TNRC6C: variants seen among roughly 807,000 people sequenced by gnomAD.
The protein encoded by TNRC6C is trinucleotide repeat containing adaptor 6C, also known as trinucleotide repeat-containing gene 6C protein.
In TNRC6C, 20 loss-of-function variants were observed where a neutral mutation model predicts 153.7. The observed-to-expected ratio is 0.13, with a 90% CI of 0.09 to 0.19. TNRC6C has a LOEUF of 0.19. Ranked by LOEUF, TNRC6C falls within the 10% of genes least tolerant of loss-of-function variation. TNRC6C has a pLI of 1.00. For synonymous variants in TNRC6C, 811 were observed against 841.4 expected, an observed-to-expected ratio of 0.96 and a Z score of 0.63; for missense variants, 1,987 against 2,172.0, an observed-to-expected ratio of 0.91 and a Z score of 1.69.
Position 78,051,457 on chromosome 17 carries a change from G to T in TNRC6C, c.2395G>T (p.Val799Phe). Residue 799 changes from valine to phenylalanine, a missense_variant and splice_region_variant, in exon 3 of 20, where the codon GTT becomes TTT. Coordinates refer to ENST00000301624, the Ensembl canonical transcript of TNRC6C. ...ACCGTTGCTTGGTCCAGGTAGGAAA[G>T]GTATTTCATGTTTCTTTACAAGTAA... The T allele has an allele frequency of 2.3e-6, 3 of 1,308,762 alleles. No homozygotes were observed. The highest frequency in any genetic ancestry group is 4.4e-5 in the South Asian group (2 of 45,406). The allele number at this position is 1,308,762 out of a possible 1,614,324, so 81.1% of individuals were successfully genotyped here.
chr17:78,094,552 C>T (rs1031300898), intron 16 of TNRC6C, among the ~76,000 whole-genome samples: 1 of 151,822 alleles, frequency 6.6e-6, no homozygotes, highest in Non-Finnish European at 1.5e-5. Context: ...GATTCTCATG[C>T]CTCAGCCTCC....
chr17:78,000,759 TAACTA>T (rs1329369170), upstream of TNRC6C, among the ~76,000 whole-genome samples: 1 of 152,132 alleles, frequency 6.6e-6, no homozygotes, highest in African/African-American at 2.4e-5. Flanking sequence ...CAATTTCTGA[TAACTA>T]AACCTCAAAG....
Position 78,079,565 on chromosome 17 carries a change from C to T in TNRC6C, c.3357+24C>T. The T allele has an allele frequency of 3.1e-6, 5 of 1,612,702 alleles. No homozygotes were observed. Among genetic ancestry groups the T allele is most frequent in the Non-Finnish European group, 4.2e-6 (5 of 1,178,922 alleles). ...AGGTCAGACCCACATCCAAGCAGGA[C>T]TGAGCAACAGGATATAGATGCCAGT... On this transcript the variant is annotated intron_variant, in intron 10 of 19. Coordinates refer to ENST00000301624, the Ensembl canonical transcript of TNRC6C. The surrounding 1 kb of genome is among the most constrained non-coding windows in gnomAD (Gnocchi z 4.3).
chr17:78,011,543 A>G lies in TNRC6C; in HGVS notation c.-546+6464A>G, dbSNP rs551851592. Among the ~76,000 whole-genome samples, 28 of 152,326 alleles carry G rather than the reference A, an allele frequency of 1.8e-4. No homozygotes were observed. The East Asian group carries it at 2.7e-3, about 15-fold the overall frequency. ...CCTTTTTATTGCTGAGCAGTGTTCC[A>G]TTGTGTAGGTGTATCACAGCTATTT... On this transcript the variant is annotated intron_variant, in intron 1 of 19. Coordinates refer to ENST00000301624, the Ensembl canonical transcript of TNRC6C.
At chr17:77,970,338 C>T (rs2070930878) in intron 1 of TNRC6C, among the ~76,000 whole-genome samples, 2 of 152,174 alleles carry the variant, frequency 1.3e-5, no homozygotes, top group African/African-American at 2.4e-5. Context: ...CTCAGCCTCT[C>T]AGGCTCAAGC....
intron 3 of TNRC6C, among the ~76,000 whole-genome samples, chr17:78,062,068 T>A (rs945572217): frequency 2.0e-5 from 3 of 152,246 alleles, no homozygotes; most frequent in Admixed American, 2.0e-4. Context: ...TATTTTAGCT[T>A]ACTAAAACCT....
At chr17:77,966,821 A>G (rs2070900490) in intron 1 of TNRC6C, among the ~76,000 whole-genome samples, 1 of 152,244 alleles carries the variant, frequency 6.6e-6, no homozygotes, top group Non-Finnish European at 1.5e-5. Flanking sequence ...CCTAGATCTT[A>G]TATAACAGTC....
chr17:78,074,994 A>G, intron 7 of TNRC6C, 142 bp from the exon 10 acceptor site: 7 of 1,119,226 alleles, frequency 6.3e-6, no homozygotes, highest in Non-Finnish European at 8.8e-6. Flanking sequence ...TAGCAAAGCA[A>G]GGGCTCTCTC....
intron 5 of TNRC6C, among the ~76,000 whole-genome samples, chr17:78,068,573 C>T (rs2072927362): frequency 6.6e-6 from 1 of 152,154 alleles, no homozygotes; most frequent in Non-Finnish European, 1.5e-5. Flanking sequence ...GTGGGTGGAT[C>T]ACTTGAGGTC....
chr17:78,010,501 T>C (rs965703774), intron 1 of TNRC6C, among the ~76,000 whole-genome samples: 1 of 152,238 alleles, frequency 6.6e-6, no homozygotes, highest in Non-Finnish European at 1.5e-5. Context: ...CATAGAAATA[T>C]ATGTTTTTCA....
intron 9 of TNRC6C, among the ~76,000 whole-genome samples, chr17:78,078,261 T>C (rs1275824025): frequency 6.6e-6 from 1 of 152,232 alleles, no homozygotes; most frequent in Non-Finnish European, 1.5e-5. Context: ...GGTTCACAGC[T>C]GTTAGCTTTG....
At chr17:78,037,925 G>A (rs1246101520) in intron 2 of TNRC6C, among the ~76,000 whole-genome samples, 1 of 152,158 alleles carries the variant, frequency 6.6e-6, no homozygotes, top group Non-Finnish European at 1.5e-5. Context: ...TTTTAACAGC[G>A]TGTTTCTAGG....
At chr17:77,990,912 T>C (rs1301699153) in intron 1 of TNRC6C, among the ~76,000 whole-genome samples, 2 of 152,338 alleles carry the variant, frequency 1.3e-5, no homozygotes, top group Admixed American at 6.5e-5. Flanking sequence ...AGCACATTTT[T>C]CCCATTTTTA....
intron 2 of TNRC6C, chr17:78,041,186 G>C (rs1466990069): frequency 6.6e-6 from 1 of 152,266 alleles, no homozygotes; most frequent in Non-Finnish European, 1.5e-5. Context: ...AATAGTGGCT[G>C]CTTCTCGCCA....
upstream of TNRC6C, among the ~76,000 whole-genome samples, chr17:78,000,458 C>T (rs1267171652): frequency 6.6e-6 from 1 of 152,176 alleles, no homozygotes; most frequent in African/African-American, 2.4e-5. Context: ...ATGACAACTG[C>T]ATAGCCTACC....
chr17:78,025,863 C>A (rs571837228), intron 1 of TNRC6C, among the ~76,000 whole-genome samples: 1 of 152,264 alleles, frequency 6.6e-6, no homozygotes, highest in African/African-American at 2.4e-5. Flanking sequence ...AATCCGTGGA[C>A]TCTGGAATGC....
chr17:78,079,321 C>T lies in TNRC6C; in HGVS notation c.3211-74C>T, dbSNP rs1433990767. 14 of 1,570,540 alleles carry T rather than the reference C, an allele frequency of 8.9e-6. No individual in the cohort carries two copies. The highest frequency in any genetic ancestry group is 1.2e-5 in the Non-Finnish European group (14 of 1,149,184). ...AATTTTGCATTCACTTGAAATAGAT[C>T]ATTTCACCCTACCTCCAAACAATGT... On this transcript the variant is annotated intron_variant, in intron 9 of 19. Coordinates refer to ENST00000301624, the Ensembl canonical transcript of TNRC6C. The surrounding 1 kb of genome is among the most constrained non-coding windows in gnomAD (Gnocchi z 4.3).
chr17:78,092,119 A>G (rs1290885194), intron 14 of TNRC6C, among the ~76,000 whole-genome samples: 3 of 152,212 alleles, frequency 2.0e-5, no homozygotes, highest in African/African-American at 7.2e-5. Flanking sequence ...AAAAATGATA[A>G]CCATAGGAGG....
In TNRC6C at chr17:78,068,015, C is replaced by T. The variant is rs530848127; in HGVS notation, c.2778+92C>T. 6 of 1,454,006 alleles carry T rather than the reference C, an allele frequency of 4.1e-6. No homozygotes were observed. The African/African-American group carries it at 7.1e-5, about 17-fold the overall frequency. The allele number at this position is 1,454,006 out of a possible 1,614,324, so 90.1% of individuals were successfully genotyped here. On this transcript the variant is annotated intron_variant, in intron 5 of 19. Coordinates refer to ENST00000301624, the Ensembl canonical transcript of TNRC6C. ...CCAGTTAATCAGACAAAAAGATAGA[C>T]CTGAGGTTCTCAAAGTAGTCTTAGG... is the stretch of plus-strand genomic sequence containing the variant.
Sources: allele counts gnomAD v4.1 joint callset (sites outside exome capture counted in the v4.1 genomes callset), GRCh38; gene constraint gnomAD v4.1.1; non-coding constraint Gnocchi (gnomAD v3.1); transcripts MANE v1.5; gene names NCBI Gene and HGNC (gene_info 2026-07-23, HGNC 2026-07-21).